The following PSKH1 variants were observed in gnomAD, a reference collection of about 807,000 sequenced individuals.
The protein encoded by PSKH1 is serine/threonine-protein kinase H1.
Under a neutral mutation model 26.7 loss-of-function variants are expected in PSKH1, and 12 were observed. The ratio of observed to expected loss-of-function variants is 0.45; its 90% CI spans 0.29 to 0.73. The LOEUF is 0.73. Ranked by LOEUF, PSKH1 falls within the 30% of genes least tolerant of loss-of-function variation. The pLI, the probability that PSKH1 is intolerant of heterozygous loss-of-function variation, is 0.11. For missense variants in PSKH1, 431 were observed against 595.2 expected, an observed-to-expected ratio of 0.72 and a Z score of 2.87; for synonymous variants, 213 against 234.3, an observed-to-expected ratio of 0.91 and a Z score of 0.83.
In PSKH1 at chr16:67,927,299, C is replaced by T. The variant is rs1798177409; in HGVS notation, c.958-26C>T. The T allele has an allele frequency of 3.8e-6, 6 of 1,583,328 alleles. No individual in the cohort carries two copies. The highest frequency in any genetic ancestry group is 2.2e-5 in the East Asian group (1 of 44,456). On this transcript the variant is annotated intron_variant, in intron 2 of 2. Transcript: ENST00000291041. This position sits in a 1 kb window ranked among gnomAD's most constrained non-coding sequence, Gnocchi z 5.5. ...GGGTGGGCAGTGTCAGATGCTCTCA[C>T]TCTAATGCTTGTCCTTGGTCTCTAG...
chr16:67,927,709 C>T lies in PSKH1; in HGVS notation c.*67C>T, dbSNP rs548696731. ...CACACACTGTGGTGCCATCTGGGTC[C>T]GATGCCCTCTCTGGAGATAGGCCTA... On this transcript the variant is annotated 3_prime_UTR_variant, in exon 3 of 3. Coordinates refer to ENST00000291041, the MANE Select transcript of PSKH1 (RefSeq NM_006742.3). The surrounding 1 kb of genome is among the most constrained non-coding windows in gnomAD (Gnocchi z 5.5). 1.7e-4 allele frequency: 256 copies of T among 1,496,616 alleles called. 2 individuals carry two copies. In the South Asian group the frequency reaches 2.6e-3, roughly 15 times the overall value. The allele number at this position is 1,496,616 out of a possible 1,614,324, so 92.7% of individuals were successfully genotyped here.
At chr16:67,895,511 C>T (rs1462116860) in intron 1 of PSKH1, among the ~76,000 whole-genome samples, 2 of 150,670 alleles carry the variant, frequency 1.3e-5, no homozygotes, top group African/African-American at 2.4e-5. Flanking sequence ...CAGGTTCAAG[C>T]GATTCTCCTG....
Position 67,927,899 on chromosome 16 carries a change from C to G in PSKH1, c.*257C>G. 1 of 535,794 alleles carries G rather than the reference C, an allele frequency of 1.9e-6. No homozygotes were observed. The highest frequency in any genetic ancestry group is 3.3e-6 in the Non-Finnish European group (1 of 301,608). The allele number at this position is 535,794 out of a possible 1,614,324, so 33.2% of individuals were successfully genotyped here. Reference sequence around the variant, plus strand: ...AGCCTGGCCTGGCACTGATACCCCTCTTGGTGGGCAGCTGCTCTGGTGGAG... The same window carrying G: ...AGCCTGGCCTGGCACTGATACCCCTGTTGGTGGGCAGCTGCTCTGGTGGAG... On this transcript the variant is annotated 3_prime_UTR_variant, in exon 3 of 3. Transcript: ENST00000291041. This position sits in a 1 kb window ranked among gnomAD's most constrained non-coding sequence, Gnocchi z 5.5.
At chr16:67,894,182 G>C (rs2058119782) in intron 1 of PSKH1, among the ~76,000 whole-genome samples, 1 of 152,144 alleles carries the variant, frequency 6.6e-6, no homozygotes, top group Non-Finnish European at 1.5e-5. Context: ...TTTGAGACAA[G>C]GCCTCTATTG....
At position 67,929,625 on chromosome 16, in the gene PSKH1, C is replaced by G. The variant is rs529850123; in HGVS notation, c.*1983C>G. 27 of 414,364 alleles carry G rather than the reference C, an allele frequency of 6.5e-5. No homozygotes were observed. Among genetic ancestry groups the G allele is most frequent in the Non-Finnish European group, 1.1e-4 (24 of 224,698 alleles). 25.7% of individuals were successfully genotyped at this position (414,364 alleles called of 1,614,324 possible). ...CGTATTCAGTTTGTAAACGTATCCT[C>G]TGTATTCAGTAAACAGGCTGCCTCT... On this transcript the variant is annotated 3_prime_UTR_variant, in exon 3 of 3. Transcript: ENST00000291041.
In PSKH1 at chr16:67,906,291, C is replaced by T. The variant is rs143777316; in HGVS notation, c.-70-2389C>T. On this transcript the variant is annotated intron_variant, in intron 1 of 2. Coordinates refer to ENST00000291041, the MANE Select transcript of PSKH1 (RefSeq NM_006742.3). ...TTCACCATGTTGGCCTGGCTGGTCT[C>T]GAACTCCCGACCTCTGGTGATCCAC... 5.1e-3 allele frequency among the ~76,000 whole-genome samples: 772 copies of T among 151,422 alleles called. 4 individuals are homozygous for T. The highest frequency in any genetic ancestry group is 0.018 in the African/African-American group (735 of 41,212).
At chr16:67,920,354 C>T (rs1225283203) in intron 2 of PSKH1, among the ~76,000 whole-genome samples, 4 of 152,116 alleles carry the variant, frequency 2.6e-5, no homozygotes, top group Middle Eastern at 3.2e-3. Flanking sequence ...CTTAAACTCC[C>T]GGGCCCAAAC....
chr16:67,922,061 C>T (rs2058204100), intron 2 of PSKH1, among the ~76,000 whole-genome samples: 1 of 151,964 alleles, frequency 6.6e-6, no homozygotes, highest in South Asian at 2.1e-4. Context: ...CCACACCCTT[C>T]CCTTTTCTGT....
At chr16:67,917,311 T>C (rs2151313932) in intron 2 of PSKH1, among the ~76,000 whole-genome samples, 1 of 152,362 alleles carries the variant, frequency 6.6e-6, no homozygotes, top group South Asian at 2.1e-4. Context: ...TTGGCCTGTC[T>C]AGTGCTGCAG....
chr16:67,915,208 A>AGT (rs10599179), intron 2 of PSKH1, among the ~76,000 whole-genome samples: 3,840 of 143,922 alleles, frequency 0.027, 82 homozygotes, highest in East Asian at 0.065. Context: ...AGAGAGAGAG[A>AGT]GTGTGTGTGT....
At chr16:67,917,553 C>A (rs1567401039) in intron 2 of PSKH1, among the ~76,000 whole-genome samples, 1 of 152,216 alleles carries the variant, frequency 6.6e-6, no homozygotes, top group Non-Finnish European at 1.5e-5. Context: ...GGGGAATTTT[C>A]TCTTGGCTTC....
At chr16:67,907,070 T>G (rs1399229641) in intron 1 of PSKH1, among the ~76,000 whole-genome samples, 2 of 151,754 alleles carry the variant, frequency 1.3e-5, no homozygotes, top group Admixed American at 6.6e-5. Flanking sequence ...TTCACGCCAT[T>G]CTCCTGCCTC....
chr16:67,925,198 ATTT>A (rs11325565), intron 2 of PSKH1, among the ~76,000 whole-genome samples: 2 of 139,420 alleles, frequency 1.4e-5, no homozygotes, highest in Non-Finnish European at 3.2e-5. Flanking sequence ...CAATATGAAT[ATTT>A]TTTTTTTTTT....
At chr16:67,912,360 G>T (rs1301166155) in intron 2 of PSKH1, among the ~76,000 whole-genome samples, 1 of 152,216 alleles carries the variant, frequency 6.6e-6, no homozygotes, top group Non-Finnish European at 1.5e-5. Context: ...GCATCATCAT[G>T]GCAAGTGTGA....
chr16:67,905,315 C>A (rs1329357473), intron 1 of PSKH1, among the ~76,000 whole-genome samples: 1 of 152,146 alleles, frequency 6.6e-6, no homozygotes, highest in African/African-American at 2.4e-5. Context: ...AACTTCATCT[C>A]CACATCCCTG....
intron 2 of PSKH1, among the ~76,000 whole-genome samples, chr16:67,918,979 T>C (rs1412839994): frequency 6.6e-6 from 1 of 152,190 alleles, no homozygotes; most frequent in Non-Finnish European, 1.5e-5. Context: ...CAGTGCTCTC[T>C]AGGTGACGGG....
intron 1 of PSKH1, among the ~76,000 whole-genome samples, chr16:67,905,133 G>A (rs7206107): frequency 0.053 from 8,055 of 152,054 alleles, 652 homozygotes; most frequent in African/African-American, 0.18. Flanking sequence ...GCTCTTACTG[G>A]CCCTTTTAAT....
At chr16:67,923,616 G>C (rs7202287) in intron 2 of PSKH1, among the ~76,000 whole-genome samples, 5,693 of 152,258 alleles carry the variant, frequency 0.037, 304 homozygotes, top group African/African-American at 0.12. Context: ...TCTGTGCCTC[G>C]TGCTCCACGT....
At chr16:67,908,295 A>G (rs2058162177) in intron 1 of PSKH1, among the ~76,000 whole-genome samples, 1 of 151,972 alleles carries the variant, frequency 6.6e-6, no homozygotes, top group Non-Finnish European at 1.5e-5. Context: ...TTTGAGACAG[A>G]GTCTTACTCT....
Sources: gnomAD v4.1 joint callset for allele counts (sites outside exome capture counted in the v4.1 genomes callset) on GRCh38, gnomAD v4.1.1 for gene constraint, Gnocchi (gnomAD v3.1) non-coding constraint, MANE v1.5 for transcripts, NCBI Gene and HGNC (gene_info 2026-07-23, HGNC 2026-07-21) for gene names.